The following WWOX variants were observed in gnomAD, a reference collection of about 807,000 sequenced individuals.
WWOX encodes WW domain-containing oxidoreductase.
WWOX carries 69 observed loss-of-function variants against 46.2 expected under a neutral mutation model. The observed-to-expected ratio is 1.49, with a 90% CI of 1.23 to 1.82. WWOX has a LOEUF of 1.82. WWOX is among the 40% of genes most tolerant of loss of function. WWOX has a pLI of 0.00. For missense variants in WWOX, 919 were observed against 542.6 expected, an observed-to-expected ratio of 1.69 and a Z score of -6.89; for synonymous variants, 359 against 202.6, an observed-to-expected ratio of 1.77 and a Z score of -6.56.
chr16:78,565,785 A>G (rs1226678053), intron 8 of WWOX, among the ~76,000 whole-genome samples: 1 of 152,180 alleles, frequency 6.6e-6, no homozygotes, highest in African/African-American at 2.4e-5. Context: ...GCGGAAGTAG[A>G]GAATATAAGC....
At chr16:78,560,765 A>G (rs1785927745) in intron 8 of WWOX, among the ~76,000 whole-genome samples, 1 of 152,194 alleles carries the variant, frequency 6.6e-6, no homozygotes, top group South Asian at 2.1e-4. Context: ...TGTGTTATGA[A>G]TTTTATACTC....
At chr16:78,448,426 A>G (rs918282070) in intron 8 of WWOX, among the ~76,000 whole-genome samples, 4 of 152,188 alleles carry the variant, frequency 2.6e-5, no homozygotes, top group Admixed American at 6.5e-5. Context: ...TAGCTGGACC[A>G]TCTGCTTTAG....
intron 6 of WWOX, among the ~76,000 whole-genome samples, chr16:78,387,995 C>T (rs1285330341): frequency 1.3e-5 from 2 of 151,998 alleles, no homozygotes; most frequent in Non-Finnish European, 2.9e-5. Context: ...GATCTTAAAC[C>T]AGATATTCAA....
chr16:78,191,137 C>T (rs2035870460), intron 5 of WWOX, among the ~76,000 whole-genome samples: 1 of 152,174 alleles, frequency 6.6e-6, no homozygotes, highest in African/African-American at 2.4e-5. Context: ...CTGGATCCAG[C>T]TGGACCGCTA....
chr16:78,185,291 A>G (rs1455268729), intron 5 of WWOX, among the ~76,000 whole-genome samples: 1 of 152,198 alleles, frequency 6.6e-6, no homozygotes, highest in Non-Finnish European at 1.5e-5. Flanking sequence ...TTAATGCAAC[A>G]TGGAATCAGA....
At position 78,865,629 on chromosome 16, in the gene WWOX, C is replaced by G. The variant is rs950206136; in HGVS notation, c.1057-345979C>G. Among the ~76,000 whole-genome samples the G allele has an allele frequency of 6.4e-4, 98 of 152,256 alleles. 1 individual carries two copies. The highest frequency in any genetic ancestry group is 2.3e-3 in the African/African-American group (94 of 41,564). On this transcript the variant is annotated intron_variant, in intron 8 of 8. Coordinates refer to ENST00000566780, the MANE Select transcript of WWOX (RefSeq NM_016373.4). ...GCAGTGTGGCTCAAGCCTGTAATCC[C>G]AGCACTTTGGGAGGCTGAGGTGGGT...
intron 8 of WWOX, among the ~76,000 whole-genome samples, chr16:78,660,101 T>A (rs1317385111): frequency 6.6e-6 from 1 of 152,248 alleles, no homozygotes; most frequent in Non-Finnish European, 1.5e-5. Flanking sequence ...TGTGCTCTTT[T>A]TAGCAAGCTT....
intron 8 of WWOX, among the ~76,000 whole-genome samples, chr16:78,520,484 C>T (rs1415583963): frequency 6.6e-6 from 1 of 152,148 alleles, no homozygotes; most frequent in Non-Finnish European, 1.5e-5. Flanking sequence ...TAGAAAGTAA[C>T]TAGCCTGCTT....
chr16:78,910,742 A>G (rs993093252), intron 8 of WWOX, among the ~76,000 whole-genome samples: 12 of 151,820 alleles, frequency 7.9e-5, no homozygotes, highest in African/African-American at 2.9e-4. Context: ...AAACCATCAG[A>G]TCTCGTGGGA....
intron 8 of WWOX, among the ~76,000 whole-genome samples, chr16:78,704,132 T>C (rs1047337609): frequency 2.0e-5 from 3 of 151,674 alleles, no homozygotes; most frequent in African/African-American, 7.3e-5. Flanking sequence ...GGGCAGGCTG[T>C]GATTTTTTTT....
At chr16:78,923,805 T>A (rs1353280784) in intron 8 of WWOX, among the ~76,000 whole-genome samples, 1 of 142,960 alleles carries the variant, frequency 7.0e-6, no homozygotes, top group Non-Finnish European at 1.5e-5. Flanking sequence ...TTTTTTTTTT[T>A]TTTTTTTTTT....
At chr16:78,965,934 A>G (rs1284204229) in intron 8 of WWOX, among the ~76,000 whole-genome samples, 2 of 152,114 alleles carry the variant, frequency 1.3e-5, no homozygotes, top group Non-Finnish European at 2.9e-5. Flanking sequence ...TCTAATTTGG[A>G]CTCAATTTGC....
intron 5 of WWOX, among the ~76,000 whole-genome samples, chr16:78,319,790 C>T (rs1370335258): frequency 6.6e-6 from 1 of 152,196 alleles, no homozygotes; most frequent in Non-Finnish European, 1.5e-5. Flanking sequence ...TGAAGTCACA[C>T]TTGCCACCCT....
At chr16:78,290,756 T>G (rs2079846511) in intron 5 of WWOX, among the ~76,000 whole-genome samples, 1 of 152,154 alleles carries the variant, frequency 6.6e-6, no homozygotes, top group African/African-American at 2.4e-5. Context: ...AAGGAATAGC[T>G]TAATTATTTA....
chr16:78,745,328 C>G (rs1489435004), intron 8 of WWOX, among the ~76,000 whole-genome samples: 2 of 152,180 alleles, frequency 1.3e-5, no homozygotes, highest in South Asian at 4.1e-4. Context: ...CTTCAAAAGC[C>G]TGAATTTCCA....
intron 8 of WWOX, among the ~76,000 whole-genome samples, chr16:78,763,504 C>T (rs189764697): frequency 3.3e-4 from 51 of 152,262 alleles, no homozygotes; most frequent in Admixed American, 2.9e-3. Context: ...GGGAGAGAAA[C>T]ATGAATGCAA....
chr16:78,970,313 T>G (rs1447734329), intron 8 of WWOX, among the ~76,000 whole-genome samples: 2 of 152,220 alleles, frequency 1.3e-5, no homozygotes, highest in Non-Finnish European at 2.9e-5. Context: ...CCCACTACAG[T>G]GTAAACTCCA....
At chr16:79,053,311 G>A (rs568435397) in intron 8 of WWOX, among the ~76,000 whole-genome samples, 8 of 152,080 alleles carry the variant, frequency 5.3e-5, no homozygotes, top group Non-Finnish European at 2.9e-5. Context: ...ATTAGAACCC[G>A]AATGAAGCCG....
At chr16:78,473,510 C>T (rs1397060583) in intron 8 of WWOX, among the ~76,000 whole-genome samples, 1 of 152,150 alleles carries the variant, frequency 6.6e-6, no homozygotes, top group Non-Finnish European at 1.5e-5. Context: ...ACAATATTGA[C>T]CGACTGGCCC....
Sources: gnomAD v4.1 joint callset for allele counts (sites outside exome capture counted in the v4.1 genomes callset) on GRCh38, gnomAD v4.1.1 for gene constraint, MANE v1.5 for transcripts, NCBI Gene and HGNC (gene_info 2026-07-23, HGNC 2026-07-21) for gene names.